NAV2: variants seen among roughly 807,000 people sequenced by gnomAD.
The protein encoded by NAV2 is helicase, APC down-regulated 1.
A neutral mutation model predicts 223.2 loss-of-function variants in NAV2; 54 were observed. The observed-to-expected ratio is 0.24, with a 90% CI of 0.19 to 0.30. NAV2 has a LOEUF of 0.30. Among genes scored for constraint, NAV2 ranks in the 10% least tolerant of loss-of-function variants. NAV2 has a pLI of 1.00. For missense variants in NAV2, 2,806 were observed against 3,147.5 expected (o/e 0.89, Z 2.60); for synonymous variants, 1,279 against 1,239.3 (o/e 1.03, Z -0.67).
intron 1 of NAV2, among the ~76,000 whole-genome samples, chr11:19,727,446 G>A (rs1364792): frequency 0.23 from 34,614 of 152,158 alleles, 7,080 homozygotes; most frequent in African/African-American, 0.55. Context: ...ATTCTAGCAT[G>A]TGGTTATGTA....
chr11:19,692,032 G>C (rs1377038156), intron 1 of NAV2, among the ~76,000 whole-genome samples: 1 of 152,210 alleles, frequency 6.6e-6, no homozygotes, highest in Non-Finnish European at 1.5e-5. Flanking sequence ...TTGACCATGA[G>C]AGACACAGTC....
At chr11:19,637,981 C>T (rs953928251) in intron 1 of NAV2, among the ~76,000 whole-genome samples, 2 of 152,172 alleles carry the variant, frequency 1.3e-5, no homozygotes, top group Admixed American at 6.5e-5. Flanking sequence ...TTATTGAGTA[C>T]TTACTATGTG....
At position 20,114,683 on chromosome 11, in the gene NAV2, C is replaced by G. The variant is rs1304764494; in HGVS notation, c.7052C>G (p.Pro2351Arg). The change falls in exon 37 of 38, where the codon CCT (proline) becomes CGT (arginine). Residue 2351 changes from proline (P) to arginine (R), a missense_variant. Around this residue, in one of 4 missense-constraint regions of NAV2, gnomAD observed 824 missense variants for 1,069.4 expected, o/e 0.77. Transcript: ENST00000349880. ...WAASPQQHEW[P>R]PLLQLRPEDV... ...GCCAGCCCACAACAGCACGAGTGGC[C>G]TCCCCTGCTGCAGTTACGGCCTGAG... 5.0e-6 allele frequency: 8 copies of G among 1,614,068 alleles called. No homozygotes were observed. The highest frequency in any genetic ancestry group is 6.8e-6 in the Non-Finnish European group (8 of 1,180,048).
chr11:19,364,254 A>G (rs1854131909), intron 1 of NAV2, among the ~76,000 whole-genome samples: 1 of 152,216 alleles, frequency 6.6e-6, no homozygotes, highest in Admixed American at 6.5e-5. Context: ...AGGAAATTCC[A>G]AGGGTTTCAG....
intron 1 of NAV2, among the ~76,000 whole-genome samples, chr11:19,581,542 G>T (rs1046535386): frequency 1.3e-5 from 2 of 151,884 alleles, no homozygotes; most frequent in African/African-American, 4.8e-5. Context: ...ACAGGCCCCA[G>T]TGTGTGATGT....
intron 5 of NAV2, among the ~76,000 whole-genome samples, chr11:19,890,915 T>G (rs1372986): frequency 0.99 from 151,480 of 152,324 alleles, 75,324 homozygotes; most frequent in Middle Eastern, 1. Context: ...TTAACCAAGG[T>G]ACAAATCCTC....
At chr11:19,355,244 G>T (rs1249278550) in intron 1 of NAV2, among the ~76,000 whole-genome samples, 3 of 98,432 alleles carry the variant, frequency 3.0e-5, no homozygotes, top group African/African-American at 1.2e-4. Flanking sequence ...AATAAGAATT[G>T]TTGGTTGTTT....
At chr11:19,631,353 G>A (rs562687302) in intron 1 of NAV2, among the ~76,000 whole-genome samples, 4 of 151,996 alleles carry the variant, frequency 2.6e-5, no homozygotes, top group Admixed American at 6.5e-5. Flanking sequence ...GAGAACATGC[G>A]GTGTTTGGTT....
intron 1 of NAV2, among the ~76,000 whole-genome samples, chr11:19,602,864 C>T (rs965866589): frequency 2.6e-5 from 4 of 152,122 alleles, no homozygotes; most frequent in Admixed American, 2.6e-4. Flanking sequence ...CTGCAAAGAT[C>T]CTTTTTCCAA....
chr11:19,707,790 C>T (rs187266531), intron 1 of NAV2, among the ~76,000 whole-genome samples: 47 of 152,280 alleles, frequency 3.1e-4, no homozygotes, highest in African/African-American at 1.1e-3. Flanking sequence ...AGCACAGTAT[C>T]ACCACAAACA....
chr11:20,098,080 C>T (rs1213514195), intron 31 of NAV2, among the ~76,000 whole-genome samples: 1 of 152,100 alleles, frequency 6.6e-6, no homozygotes, highest in Non-Finnish European at 1.5e-5. Context: ...GGATGCAGTC[C>T]CGTTCTACAG....
At chr11:19,642,155 A>G (rs2047683811) in intron 1 of NAV2, among the ~76,000 whole-genome samples, 9 of 152,124 alleles carry the variant, frequency 5.9e-5, no homozygotes, top group Admixed American at 5.9e-4. Flanking sequence ...CCGTATCTCT[A>G]CTTTCCCACA....
At chr11:19,807,346 C>G (rs2058627246) in intron 1 of NAV2, among the ~76,000 whole-genome samples, 1 of 152,192 alleles carries the variant, frequency 6.6e-6, no homozygotes. Flanking sequence ...TGCTCCACCC[C>G]CAGGGAGCTA....
chr11:19,498,798 T>C (rs2042877385), intron 1 of NAV2, among the ~76,000 whole-genome samples: 1 of 152,230 alleles, frequency 6.6e-6, no homozygotes, highest in Non-Finnish European at 1.5e-5. Flanking sequence ...AGTAGATTCT[T>C]CTCAAGAATC....
chr11:19,860,391 C>T (rs372896863), intron 3 of NAV2, among the ~76,000 whole-genome samples: 25,443 of 139,732 alleles, frequency 0.18, 2,149 homozygotes, highest in South Asian at 0.37. Flanking sequence ...ACATCCCGGA[C>T]GGGGCGACAG....
intron 1 of NAV2, among the ~76,000 whole-genome samples, chr11:19,550,745 C>T (rs983251063): frequency 4.6e-5 from 7 of 152,272 alleles, no homozygotes; most frequent in Admixed American, 2.6e-4. Context: ...AGATGGGGCT[C>T]GGACACTGGA....
At chr11:20,077,484 A>G (rs2059833891) in intron 22 of NAV2, 68 bp from the exon 23 acceptor site, 1 of 1,245,716 alleles carries the variant, frequency 8.0e-7, no homozygotes, top group Non-Finnish European at 1.2e-6. Flanking sequence ...CATCTTTAAG[A>G]GCCAGACACC....
chr11:20,034,658 A>G (rs1376294989), intron 11 of NAV2, among the ~76,000 whole-genome samples: 1 of 152,234 alleles, frequency 6.6e-6, no homozygotes, highest in Non-Finnish European at 1.5e-5. Flanking sequence ...CTGGGATTAC[A>G]GGCATGAGCC....
intron 1 of NAV2, among the ~76,000 whole-genome samples, chr11:19,437,588 G>T (rs1851258560): frequency 6.6e-6 from 1 of 151,864 alleles, no homozygotes; most frequent in Non-Finnish European, 1.5e-5. Flanking sequence ...CCTTCTTTAG[G>T]CAGTTAAAGC....
Sources: allele counts gnomAD v4.1 joint callset (sites outside exome capture counted in the v4.1 genomes callset), GRCh38; gene constraint gnomAD v4.1.1; regional missense constraint gnomAD v4.1.1; transcripts MANE v1.5; gene names NCBI Gene and HGNC (gene_info 2026-07-23, HGNC 2026-07-21).